Variants in PCAT7 observed in about 807,000 individuals in gnomAD.
PCAT7 encodes prostate cancer associated transcript 7, also known as prostate cancer associated transcript 7 (non-protein coding).
At chr9:94,567,221 C>G in intron 2 of PCAT7, 1 of 1,607,760 alleles carries the variant, frequency 6.2e-7, no homozygotes, top group Non-Finnish European at 8.5e-7. Context: ...AAACAGGACC[C>G]CATGGGGACA....
At chr9:94,556,252 C>G (rs928981290) in intron 1 of PCAT7, among the ~76,000 whole-genome samples, 8 of 134,576 alleles carry the variant, frequency 5.9e-5, no homozygotes, top group Non-Finnish European at 1.1e-4. Context: ...GGCGTGATGA[C>G]AGCGGGAGGG....
chr9:94,571,558 G>A, intron 2 of PCAT7: 7 of 1,613,926 alleles, frequency 4.3e-6, no homozygotes, highest in Non-Finnish European at 5.9e-6. Context: ...CAATATTGCG[G>A]CCACACTGCA....
chr9:94,561,847 G>A (rs2131440615), intron 2 of PCAT7, among the ~76,000 whole-genome samples: 1 of 152,318 alleles, frequency 6.6e-6, no homozygotes, highest in South Asian at 2.1e-4. Flanking sequence ...TGGTGGTTAT[G>A]CGCAGCAAAC....
At chr9:94,572,374 T>C (rs111750435) in intron 2 of PCAT7, among the ~76,000 whole-genome samples, 19 of 152,068 alleles carry the variant, frequency 1.2e-4, no homozygotes, top group African/African-American at 4.6e-4. Context: ...ATTCATAGAT[T>C]AGTGATTCAA....
chr9:94,564,568 CCAAAT>C (rs1827158235), intron 2 of PCAT7, among the ~76,000 whole-genome samples: 1 of 152,068 alleles, frequency 6.6e-6, no homozygotes, highest in South Asian at 2.1e-4. Context: ...AAATAGGAAA[CCAAAT>C]GCCACATGTT....
chr9:94,571,248 C>G (rs972265283), intron 2 of PCAT7, among the ~76,000 whole-genome samples: 3 of 152,192 alleles, frequency 2.0e-5, no homozygotes, highest in African/African-American at 7.2e-5. Context: ...GCAACTGGCT[C>G]TGCAGGACAC....
At chr9:94,560,712 T>A (rs1209022242) in intron 2 of PCAT7, among the ~76,000 whole-genome samples, 1 of 147,000 alleles carries the variant, frequency 6.8e-6, no homozygotes, top group Non-Finnish European at 1.5e-5. Flanking sequence ...TTATATGTTA[T>A]TATATATTAT....
intron 1 of PCAT7, among the ~76,000 whole-genome samples, chr9:94,558,538 T>C (rs1223341273): frequency 6.6e-6 from 1 of 152,100 alleles, no homozygotes; most frequent in African/African-American, 2.4e-5. Context: ...CGTGATCCGC[T>C]GGCCTCGGCC....
At chr9:94,561,670 C>G (rs920311410) in intron 2 of PCAT7, among the ~76,000 whole-genome samples, 1 of 151,808 alleles carries the variant, frequency 6.6e-6, no homozygotes, top group Non-Finnish European at 1.5e-5. Context: ...CAGCCATGAC[C>G]TGTACTTTCT....
exon 2 of PCAT7, chr9:94,558,978 T>C (rs1484066048): frequency 2.5e-6 from 4 of 1,614,090 alleles, no homozygotes; most frequent in Non-Finnish European, 3.4e-6. Context: ...GGTGAGATAT[T>C]CCTGCACATC....
chr9:94,564,923 C>G (rs1827163538), intron 2 of PCAT7, among the ~76,000 whole-genome samples: 1 of 151,978 alleles, frequency 6.6e-6, no homozygotes, highest in Non-Finnish European at 1.5e-5. Context: ...TTTCAAAAAG[C>G]TAGAAGGAGG....
intron 2 of PCAT7, among the ~76,000 whole-genome samples, chr9:94,572,430 A>G (rs1268602786): frequency 1.3e-5 from 2 of 152,230 alleles, no homozygotes; most frequent in Non-Finnish European, 2.9e-5. Context: ...GAACTGGAGT[A>G]CAGCATTGTT....
intron 3 of PCAT7, among the ~76,000 whole-genome samples, chr9:94,574,556 A>G (rs577759598): frequency 1.3e-5 from 2 of 152,202 alleles, no homozygotes; most frequent in East Asian, 3.9e-4. Flanking sequence ...AATGTCTTGT[A>G]TATGTCACAA....
chr9:94,567,379 T>G, intron 2 of PCAT7: 1 of 1,614,134 alleles, frequency 6.2e-7, no homozygotes, highest in Non-Finnish European at 8.5e-7. Context: ...CTTGACATCT[T>G]TTTCCACCAG....
chr9:94,565,828 A>C (rs1314043618), intron 2 of PCAT7, among the ~76,000 whole-genome samples: 1 of 152,080 alleles, frequency 6.6e-6, no homozygotes, highest in Non-Finnish European at 1.5e-5. Flanking sequence ...CGAGGGCAGG[A>C]GGGAGGGATA....
chr9:94,558,770 G>A lies in PCAT7; in HGVS notation n.258-199G>A, dbSNP rs973754901. 29 of 627,272 alleles carry A rather than the reference G, an allele frequency of 4.6e-5. No individual in the cohort carries two copies. The East Asian group carries it at 5.3e-4, about 11-fold the overall frequency. 38.9% of individuals were successfully genotyped at this position (627,272 alleles called of 1,614,324 possible). On this transcript the variant is annotated intron_variant and non_coding_transcript_variant, in intron 1 of 8. Transcript: ENST00000647389. ...AGTCCTTCACATTGACCATAGAATCGCCTGTGGCTTCCAAACCTGTCGTAA... is the reference window on the plus strand; with the variant it reads ...AGTCCTTCACATTGACCATAGAATCACCTGTGGCTTCCAAACCTGTCGTAA...
At chr9:94,555,030 T>A (rs1826985683), upstream of PCAT7, 1 of 152,264 alleles carries the variant, frequency 6.6e-6, no homozygotes. Context: ...TCTTAAGACT[T>A]GCTCTCATCC....
intron 2 of PCAT7, chr9:94,569,760 T>C (rs1827245404): frequency 6.6e-6 from 1 of 152,202 alleles, no homozygotes; most frequent in Non-Finnish European, 1.5e-5. Flanking sequence ...TTACCCACAA[T>C]GGAGAGTTGG....
chr9:94,561,197 T>A (rs1443367540), intron 2 of PCAT7, among the ~76,000 whole-genome samples: 1 of 152,070 alleles, frequency 6.6e-6, no homozygotes, highest in Non-Finnish European at 1.5e-5. Flanking sequence ...ACTACTTTAA[T>A]CAAAAAAAGC....
Sources: gnomAD v4.1 joint callset for allele counts (sites outside exome capture counted in the v4.1 genomes callset) on GRCh38, gnomAD v4.1.1 for gene constraint, MANE v1.5 for transcripts, NCBI Gene and HGNC (gene_info 2026-07-23, HGNC 2026-07-21) for gene names.